NAALADL2: variants seen among roughly 807,000 people sequenced by gnomAD.
NAALADL2 encodes N-acetylated alpha-linked acidic dipeptidase like 2, also known as inactive N-acetylated-alpha-linked acidic dipeptidase-like protein 2.
A neutral mutation model predicts 87.2 loss-of-function variants in NAALADL2; 76 were observed. That is an observed-to-expected ratio of 0.87 (90% CI 0.72 to 1.05). The LOEUF (loss-of-function observed/expected upper bound fraction) is 1.05. Among genes scored for constraint, NAALADL2 ranks in the 50% least tolerant of loss-of-function variants. The pLI is 0.00. For synonymous variants in NAALADL2, 354 were observed against 331.0 expected, an observed-to-expected ratio of 1.07 and a Z score of -0.75; for missense variants, 1,089 against 945.8, an observed-to-expected ratio of 1.15 and a Z score of -1.99.
intron 2 of NAALADL2, among the ~76,000 whole-genome samples, chr3:174,688,501 G>T (rs998109996): frequency 6.6e-6 from 1 of 152,028 alleles, no homozygotes. Flanking sequence ...AGCTTTAAAT[G>T]AGTTAATATA....
At chr3:175,793,373 G>C (rs190275292) in intron 13 of NAALADL2, among the ~76,000 whole-genome samples, 107 of 146,452 alleles carry the variant, frequency 7.3e-4, no homozygotes, top group Middle Eastern at 3.7e-3. Context: ...TAGTGGGCAC[G>C]ATCTTGGCTC....
chr3:175,061,279 A>C (rs977628328), intron 1 of NAALADL2, among the ~76,000 whole-genome samples: 2 of 152,228 alleles, frequency 1.3e-5, no homozygotes, highest in African/African-American at 4.8e-5. Context: ...ATGGTCTTTC[A>C]TAAGTCAATA....
intron 1 of NAALADL2, among the ~76,000 whole-genome samples, chr3:175,022,035 TTAAA>T (rs1751629346): frequency 1.3e-5 from 2 of 151,956 alleles, no homozygotes; most frequent in African/African-American, 4.8e-5. Flanking sequence ...GATCTGGTTG[TTAAA>T]TAGAGCTTGG....
intron 2 of NAALADL2, among the ~76,000 whole-genome samples, chr3:175,140,926 G>A (rs1378839229): frequency 2.6e-5 from 4 of 152,118 alleles, no homozygotes; most frequent in Non-Finnish European, 4.4e-5. Context: ...GGGGCAGAAA[G>A]GGGGCAAGGA....
intron 1 of NAALADL2, among the ~76,000 whole-genome samples, chr3:175,013,301 A>ATT (rs753716843): frequency 0.04 from 2,879 of 71,868 alleles, 166 homozygotes; most frequent in East Asian, 0.1. Context: ...ATATATATAT[A>ATT]TTTTTTTTTT....
intron 3 of NAALADL2, among the ~76,000 whole-genome samples, chr3:174,813,693 G>T (rs1256220875): frequency 6.6e-6 from 1 of 151,736 alleles, no homozygotes. Flanking sequence ...TTGCTATGTT[G>T]CCCAGGCTGA....
chr3:175,603,653 T>G (rs964492476), intron 10 of NAALADL2, among the ~76,000 whole-genome samples: 6 of 152,228 alleles, frequency 3.9e-5, no homozygotes, highest in Non-Finnish European at 7.3e-5. Flanking sequence ...AGAATCGCCT[T>G]CCTTTTTAAG....
chr3:175,102,927 G>A (rs1294322486), intron 2 of NAALADL2, among the ~76,000 whole-genome samples: 1 of 151,972 alleles, frequency 6.6e-6, no homozygotes, highest in African/African-American at 2.4e-5. Context: ...GGCCAACATG[G>A]TGAAACCCGG....
intron 3 of NAALADL2, among the ~76,000 whole-genome samples, chr3:174,831,351 A>G (rs909383457): frequency 6.8e-6 from 1 of 146,550 alleles, no homozygotes. Flanking sequence ...CCTTTTCTGC[A>G]TCTATTGAGA....
chr3:174,968,269 A>T (rs1444067104), intron 1 of NAALADL2, among the ~76,000 whole-genome samples: 1 of 152,154 alleles, frequency 6.6e-6, no homozygotes, highest in African/African-American at 2.4e-5. Context: ...ACTAACTTTT[A>T]TTAAGCATTA....
chr3:175,423,055 T>A (rs55973146), intron 5 of NAALADL2, among the ~76,000 whole-genome samples: 3,792 of 107,104 alleles, frequency 0.035, 59 homozygotes, highest in African/African-American at 0.046. Context: ...ATATATATTT[T>A]TTTTTTTTCC....
intron 4 of NAALADL2, among the ~76,000 whole-genome samples, chr3:175,320,710 C>T (rs1309944915): frequency 6.6e-6 from 1 of 152,122 alleles, no homozygotes; most frequent in Non-Finnish European, 1.5e-5. Flanking sequence ...GCAAACACCT[C>T]TACGCAAATA....
intron 2 of NAALADL2, among the ~76,000 whole-genome samples, chr3:174,587,870 T>C (rs7647360): frequency 0.019 from 2,967 of 152,210 alleles, 99 homozygotes; most frequent in African/African-American, 0.067. Flanking sequence ...TTGCTCTTCT[T>C]GAGGAGTATC....
At chr3:175,116,593 C>G (rs1725215304) in intron 2 of NAALADL2, among the ~76,000 whole-genome samples, 1 of 152,070 alleles carries the variant, frequency 6.6e-6, no homozygotes, top group South Asian at 2.1e-4. Flanking sequence ...AGGACACAAA[C>G]AAATGGAAAA....
At chr3:175,656,083 G>A (rs1039798948) in intron 11 of NAALADL2, among the ~76,000 whole-genome samples, 1 of 152,130 alleles carries the variant, frequency 6.6e-6, no homozygotes, top group African/African-American at 2.4e-5. Flanking sequence ...CTATAGCCGA[G>A]TTGCAACTTC....
intron 5 of NAALADL2, among the ~76,000 whole-genome samples, chr3:175,373,430 A>G (rs1006576173): frequency 6.6e-6 from 1 of 152,202 alleles, no homozygotes; most frequent in Non-Finnish European, 1.5e-5. Flanking sequence ...TATGTCCTGT[A>G]GTAATATGCC....
At chr3:175,322,937 T>C (rs1390614360) in intron 4 of NAALADL2, among the ~76,000 whole-genome samples, 2 of 151,864 alleles carry the variant, frequency 1.3e-5, no homozygotes, top group South Asian at 2.1e-4. Flanking sequence ...TGGCGATTCC[T>C]CGGGGATCTA....
At chr3:175,755,890 G>A (rs1747201888) in intron 13 of NAALADL2, among the ~76,000 whole-genome samples, 2 of 152,116 alleles carry the variant, frequency 1.3e-5, no homozygotes, top group Admixed American at 6.6e-5. Flanking sequence ...AAACAACTGA[G>A]GAATTAGGCT....
intron 2 of NAALADL2, among the ~76,000 whole-genome samples, chr3:175,103,405 G>A (rs1722565593): frequency 1.3e-5 from 2 of 151,972 alleles, no homozygotes; most frequent in South Asian, 4.1e-4. Flanking sequence ...ACATTCTGTA[G>A]TACTAATTAA....
Sources: gnomAD v4.1 joint callset for allele counts (sites outside exome capture counted in the v4.1 genomes callset) on GRCh38, gnomAD v4.1.1 for gene constraint, MANE v1.5 for transcripts, NCBI Gene and HGNC (gene_info 2026-07-23, HGNC 2026-07-21) for gene names.